DCDC1: variants seen among roughly 807,000 people sequenced by gnomAD.
The protein encoded by DCDC1 is doublecortin domain containing 1.
Under a neutral mutation model 178.3 loss-of-function variants are expected in DCDC1, and 200 were observed. The ratio of observed to expected loss-of-function variants is 1.12; its 90% CI spans 1.00 to 1.26. The LOEUF (loss-of-function observed/expected upper bound fraction) is 1.26. Among genes scored for constraint, DCDC1 ranks in the 50% most tolerant of loss-of-function variants. The pLI is 0.00. For missense variants in DCDC1, 1,983 were observed against 1,749.2 expected, an observed-to-expected ratio of 1.13 and a Z score of -2.38; for synonymous variants, 690 against 604.8, an observed-to-expected ratio of 1.14 and a Z score of -2.07.
chr11:30,888,112 A>AAGAAAG (rs773332566), intron 36 of DCDC1, among the ~76,000 whole-genome samples: 12 of 132,988 alleles, frequency 9.0e-5, no homozygotes, highest in Non-Finnish European at 1.3e-4. Context: ...GAAAGAAAGA[A>AAGAAAG]AGAAAGAAAG....
rs758078671 is a variant in DCDC1 at position 30,899,516 on chromosome 11, T to G, written c.4765+25A>C. 83 of 1,410,424 alleles carry G rather than the reference T, an allele frequency of 5.9e-5. No individual in the cohort carries two copies. The East Asian group carries it at 2.0e-3, about 35-fold the overall frequency. 87.4% of individuals were successfully genotyped at this position (1,410,424 alleles called of 1,614,324 possible). A position where few individuals can be genotyped will look rare whatever the true frequency, so the allele number is the denominator to read the frequency against. On this transcript the variant is annotated intron_variant, in intron 34 of 38. Transcript: ENST00000684477. ...GGCTACATTTTGAATTAAATATGGT[T>G]ATGCTTGATATAGTTCATACTGACC...
chr11:31,034,090 G>A (rs1471674857), intron 20 of DCDC1, among the ~76,000 whole-genome samples: 4 of 147,558 alleles, frequency 2.7e-5, no homozygotes, highest in Non-Finnish European at 5.9e-5. Flanking sequence ...GTTGCAGTGA[G>A]CCGAGATCAT....
intron 20 of DCDC1, among the ~76,000 whole-genome samples, chr11:30,985,586 AGACT>A (rs1325615573): frequency 2.0e-5 from 3 of 152,220 alleles, no homozygotes; most frequent in Non-Finnish European, 4.4e-5. Flanking sequence ...AACAGAAGAT[AGACT>A]ATTTTTATCA....
intron 20 of DCDC1, among the ~76,000 whole-genome samples, chr11:31,059,060 C>G (rs757424346): frequency 3.9e-5 from 6 of 151,948 alleles, no homozygotes; most frequent in Non-Finnish European, 5.9e-5. Context: ...AATAGTACAT[C>G]GTGAAAATGG....
intron 9 of DCDC1, among the ~76,000 whole-genome samples, chr11:31,142,950 G>T (rs143458862): frequency 9.2e-5 from 14 of 152,064 alleles, no homozygotes; most frequent in African/African-American, 3.4e-4. Context: ...CAAATTGATC[G>T]CACTTTCCCT....
intron 30 of DCDC1, among the ~76,000 whole-genome samples, chr11:30,906,156 T>C (rs1004841140): frequency 2.0e-5 from 3 of 152,116 alleles, no homozygotes; most frequent in Non-Finnish European, 4.4e-5. Context: ...CAACAACACA[T>C]CCAATTCCCC....
chr11:30,875,924 G>A lies in DCDC1; in HGVS notation c.*40+2620C>T, dbSNP rs146749959. 1.2e-4 allele frequency among the ~76,000 whole-genome samples: 19 copies of A among 152,270 alleles called. No individual in the cohort carries two copies. The East Asian group carries it at 3.7e-3, about 29-fold the overall frequency. ...TTATAAATACTGTTAGTTATTCTCA[G>A]AAAGACTGCCAGACTTTCAGGCATA... On this transcript the variant is annotated intron_variant, in intron 38 of 38. Coordinates refer to ENST00000684477, the MANE Select transcript of DCDC1 (RefSeq NM_001387274.1).
At chr11:31,336,143 G>C (rs940712054) in intron 1 of DCDC1, among the ~76,000 whole-genome samples, 5 of 152,196 alleles carry the variant, frequency 3.3e-5, no homozygotes, top group African/African-American at 4.8e-5. Context: ...TAAATGCTAA[G>C]GGGAAAACTG....
At chr11:31,254,707 G>A (rs980766423) in intron 8 of DCDC1, among the ~76,000 whole-genome samples, 1 of 152,176 alleles carries the variant, frequency 6.6e-6, no homozygotes, top group Non-Finnish European at 1.5e-5. Flanking sequence ...TCAGCTGGCT[G>A]TCAGCTGAGC....
At chr11:31,201,004 C>T (rs1971231249) in intron 9 of DCDC1, among the ~76,000 whole-genome samples, 1 of 151,750 alleles carries the variant, frequency 6.6e-6, no homozygotes, top group Non-Finnish European at 1.5e-5. Flanking sequence ...GCTCTTCCTA[C>T]TTATCCTCTC....
chr11:31,173,396 A>AT (rs1027688884), intron 9 of DCDC1, among the ~76,000 whole-genome samples: 46 of 152,092 alleles, frequency 3.0e-4, no homozygotes, highest in African/African-American at 8.7e-4. Flanking sequence ...ATGAAAGCAG[A>AT]TTTTTTTTCT....
chr11:30,970,596 C>T (rs756593010), intron 20 of DCDC1, among the ~76,000 whole-genome samples: 3 of 152,218 alleles, frequency 2.0e-5, no homozygotes, highest in Admixed American at 6.5e-5. Context: ...CCACCCCCAA[C>T]AGAGGAACTG....
chr11:31,242,345 C>T (rs369298551), intron 8 of DCDC1, among the ~76,000 whole-genome samples: 1 of 151,790 alleles, frequency 6.6e-6, no homozygotes, highest in African/African-American at 2.4e-5. Flanking sequence ...CTTTTTCACA[C>T]GATTAGTTAA....
intron 27 of DCDC1, among the ~76,000 whole-genome samples, chr11:30,912,268 C>A (rs1345455736): frequency 6.6e-6 from 1 of 151,780 alleles, no homozygotes; most frequent in Non-Finnish European, 1.5e-5. Context: ...ATAAATTACT[C>A]AGTTTCAGGT....
chr11:31,029,328 T>C (rs569098445), intron 20 of DCDC1, among the ~76,000 whole-genome samples: 2 of 152,222 alleles, frequency 1.3e-5, no homozygotes, highest in African/African-American at 4.8e-5. Flanking sequence ...TATTTTTTAA[T>C]TGCCATTACA....
rs150686856 is a variant in DCDC1, at chr11:30,964,800, G to A, written c.2592-12232C>T. Among the ~76,000 whole-genome samples, 448 of 152,268 alleles carry A rather than the reference G, an allele frequency of 2.9e-3. 4 individuals are homozygous for A. Among genetic ancestry groups the A allele is most frequent in the African/African-American group, 0.01 (419 of 41,552 alleles). ...TCTTCACCCTTAACACAAGTGGGGA[G>A]GATGGAAGAGGGGCCAATAGGCAGA... On this transcript the variant is annotated intron_variant, in intron 20 of 38. Transcript: ENST00000684477.
chr11:31,047,632 G>T (rs1386661098), intron 20 of DCDC1, among the ~76,000 whole-genome samples: 3 of 151,980 alleles, frequency 2.0e-5, no homozygotes, highest in Non-Finnish European at 4.4e-5. Flanking sequence ...TATTCACAGA[G>T]GCTAAAAACA....
intron 3 of DCDC1, among the ~76,000 whole-genome samples, chr11:31,309,162 G>A (rs1468719860): frequency 6.6e-6 from 1 of 151,610 alleles, no homozygotes; most frequent in South Asian, 2.1e-4. Flanking sequence ...GTGTGTGTGT[G>A]TGTGTATGTG....
intron 21 of DCDC1, among the ~76,000 whole-genome samples, chr11:30,948,748 A>G (rs190219303): frequency 6.6e-6 from 1 of 152,330 alleles, no homozygotes; most frequent in East Asian, 1.9e-4. Context: ...AAAGTAAGCA[A>G]CAGGGAAAGG....
Sources: gnomAD v4.1 joint callset for allele counts (sites outside exome capture counted in the v4.1 genomes callset) on GRCh38, gnomAD v4.1.1 for gene constraint, MANE v1.5 for transcripts, NCBI Gene and HGNC (gene_info 2026-07-23, HGNC 2026-07-21) for gene names.